MACROD2: variants seen among roughly 807,000 people sequenced by gnomAD.
MACROD2 encodes the protein mono-ADP ribosylhydrolase 2, also known as ADP-ribose glycohydrolase MACROD2.
MACROD2 carries 36 observed loss-of-function variants against 70.4 expected under a neutral mutation model. That is an observed-to-expected ratio of 0.51 (90% confidence interval 0.39 to 0.68). The LOEUF (loss-of-function observed/expected upper bound fraction) is 0.68, where lower values mean the gene tolerates loss of function less well. MACROD2 is among the 30% of genes least tolerant of loss of function. The pLI is 0.00. For synonymous variants in MACROD2, 172 were observed against 178.8 expected (o/e 0.96, Z 0.30); for missense variants, 496 against 538.4 (o/e 0.92, Z 0.78).
chr20:14,703,191 A>G (rs2071227429), intron 5 of MACROD2, among the ~76,000 whole-genome samples: 1 of 152,128 alleles, frequency 6.6e-6, no homozygotes, highest in African/African-American at 2.4e-5. Flanking sequence ...AACAATACTG[A>G]GATGAACATT....
At chr20:14,285,979 CAAAA>C in intron 3 of MACROD2, among the ~76,000 whole-genome samples, 1 of 143,322 alleles carries the variant, frequency 7.0e-6, no homozygotes. Context: ...ACTCTGCAGC[CAAAA>C]AAAAAAAAAA....
intron 5 of MACROD2, among the ~76,000 whole-genome samples, chr20:14,948,560 C>A (rs1026057858): frequency 6.6e-6 from 1 of 152,136 alleles, no homozygotes; most frequent in Non-Finnish European, 1.5e-5. Context: ...CTGTTTCCAG[C>A]CGTTCTAATG....
intron 8 of MACROD2, among the ~76,000 whole-genome samples, chr20:15,524,166 G>T (rs2146534816): frequency 6.6e-6 from 1 of 152,194 alleles, no homozygotes; most frequent in South Asian, 2.1e-4. Flanking sequence ...TCTCTCTGTT[G>T]AGTGCTAAAA....
intron 3 of MACROD2, among the ~76,000 whole-genome samples, chr20:14,467,500 T>C (rs2084470301): frequency 2.0e-5 from 3 of 152,134 alleles, no homozygotes; most frequent in Admixed American, 1.3e-4. Context: ...AGGCGATGCC[T>C]CTCCCTGCTT....
intron 5 of MACROD2, among the ~76,000 whole-genome samples, chr20:15,121,285 G>A (rs1341786652): frequency 6.6e-6 from 1 of 152,120 alleles, no homozygotes; most frequent in Non-Finnish European, 1.5e-5. Context: ...GCCAAGGCAG[G>A]TGGATCATCT....
chr20:15,605,435 G>GA (rs1350656680), intron 8 of MACROD2, among the ~76,000 whole-genome samples: 1 of 144,904 alleles, frequency 6.9e-6, no homozygotes, highest in African/African-American at 2.7e-5. Context: ...ACTTCAGTTA[G>GA]AAAAAACAGG....
At position 14,118,939 on chromosome 20, in the gene MACROD2, A is replaced by G. The variant is rs139989434; in HGVS notation, c.271+33211A>G. Among the ~76,000 whole-genome samples, 433 of 148,090 alleles carry G rather than the reference A, an allele frequency of 2.9e-3. 4 individuals are homozygous for G. Among genetic ancestry groups the G allele is most frequent in the African/African-American group, 0.01 (407 of 39,950 alleles). On this transcript the variant is annotated intron_variant, in intron 3 of 17. Coordinates refer to ENST00000684519, the MANE Select transcript of MACROD2 (RefSeq NM_001351661.2). ...CAGCTCACTGCCACCTCTGCCTCCC[A>G]GGTTCAAGCAATTCTCCTGCCTCAG...
rs1426821868 is a variant in MACROD2 at position 15,571,603 on chromosome 20, G to A, written c.645+71756G>A. ...TCATACTGGTGAAAAATTAAATTTT[G>A]CTTCTTGTGCCTCTGTATCTGTAGC... On this transcript the variant is annotated intron_variant, in intron 8 of 17. Transcript: ENST00000684519. Among the ~76,000 whole-genome samples the A allele has an allele frequency of 2.0e-5, 3 of 151,966 alleles. No individual in the cohort carries two copies. In the East Asian group the frequency reaches 5.8e-4, roughly 29 times the overall value.
intron 5 of MACROD2, among the ~76,000 whole-genome samples, chr20:15,206,528 C>T (rs181930462): frequency 1.7e-3 from 254 of 151,874 alleles, no homozygotes; most frequent in South Asian, 0.016. Context: ...CATCAGAAAG[C>T]ATTTTATATT....
Position 15,110,035 on chromosome 20 carries a change from G to A in MACROD2, c.419-119905G>A, listed in dbSNP as rs1568578255. On this transcript the variant is annotated intron_variant, in intron 5 of 17. Coordinates refer to ENST00000684519, the MANE Select transcript of MACROD2 (RefSeq NM_001351661.2). The stretch of plus-strand genomic sequence containing the variant: ...TGATGGTTAAGCCCTTAGACTGTAT[G>A]TAGTTGTCCTGCTAGAGAACTCAAA... Among the ~76,000 whole-genome samples the A allele has an allele frequency of 3.3e-5, 5 of 152,218 alleles. No homozygotes were observed. In the South Asian group the frequency reaches 8.3e-4, roughly 25 times the overall value.
chr20:14,719,473 G>GAAAAAAAAAAAAGAAAGAAAAAAAGAAA (rs2071437583), intron 5 of MACROD2, among the ~76,000 whole-genome samples: 1 of 136,322 alleles, frequency 7.3e-6, no homozygotes, highest in African/African-American at 2.7e-5. Flanking sequence ...AAGATAGAAA[G>GAAAAAAAAAAAAGAAAGAAAAAAAGAAA]AAAAAAAAAA....
At position 14,312,786 on chromosome 20, in the gene MACROD2, G is replaced by A. The variant is rs989793361; in HGVS notation, c.272-180693G>A. ...AGTGGGATTACGAAAGGCAAATTCA[G>A]AGATATTAAGTATTTTGCCCAGAGT... On this transcript the variant is annotated intron_variant, in intron 3 of 17. Coordinates refer to ENST00000684519, the MANE Select transcript of MACROD2 (RefSeq NM_001351661.2). Among the ~76,000 whole-genome samples the A allele has an allele frequency of 5.3e-5, 8 of 152,330 alleles. No individual in the cohort carries two copies. The South Asian group carries it at 1.4e-3, about 28-fold the overall frequency.
intron 4 of MACROD2, among the ~76,000 whole-genome samples, chr20:14,646,162 C>T (rs966171279): frequency 5.9e-5 from 9 of 151,854 alleles, no homozygotes; most frequent in African/African-American, 1.7e-4. Context: ...GCATTACTTT[C>T]CCCTTGATGA....
At chr20:15,626,900 G>A (rs2049211598) in intron 8 of MACROD2, among the ~76,000 whole-genome samples, 1 of 151,860 alleles carries the variant, frequency 6.6e-6, no homozygotes, top group African/African-American at 2.4e-5. Flanking sequence ...TATGTGGATA[G>A]TTGAGGCCAT....
rs1184412758 is a variant in MACROD2, at chr20:15,095,060, T to C, written c.419-134880T>C. Among the ~76,000 whole-genome samples, 6 of 57,670 alleles carry C rather than the reference T, an allele frequency of 1.0e-4. No homozygotes were observed. The Admixed American group carries it at 1.2e-3, about 12-fold the overall frequency. The allele number at this position is 57,670 out of a possible 152,430, so 37.8% of individuals were successfully genotyped here. A position where few individuals can be genotyped will look rare whatever the true frequency, so the allele number is the denominator to read the frequency against. ...GTTATATCTTTTCACTGTGGTCTCC[T>C]CTTCTTTTTTTTTTTTTTTTTTTTT... On this transcript the variant is annotated intron_variant, in intron 5 of 17. Coordinates refer to ENST00000684519, the MANE Select transcript of MACROD2 (RefSeq NM_001351661.2).
At chr20:14,912,836 A>G (rs1397148945) in intron 5 of MACROD2, among the ~76,000 whole-genome samples, 1 of 152,196 alleles carries the variant, frequency 6.6e-6, no homozygotes, top group Non-Finnish European at 1.5e-5. Context: ...TCAGCTGTGT[A>G]TGAAAGAGAC....
intron 4 of MACROD2, among the ~76,000 whole-genome samples, chr20:14,641,099 A>G (rs775278853): frequency 7.2e-5 from 11 of 152,232 alleles, no homozygotes; most frequent in Admixed American, 6.5e-5. Context: ...AACTAAGTTT[A>G]TGTAATATTC....
intron 8 of MACROD2, among the ~76,000 whole-genome samples, chr20:15,723,169 G>A: frequency 6.6e-6 from 1 of 152,130 alleles, no homozygotes; most frequent in Non-Finnish European, 1.5e-5. Flanking sequence ...AAAGGTGAGA[G>A]GAAGGCACAG....
intron 8 of MACROD2, among the ~76,000 whole-genome samples, chr20:15,501,282 A>G (rs888392646): frequency 1.3e-5 from 2 of 152,240 alleles, no homozygotes; most frequent in Non-Finnish European, 2.9e-5. Context: ...TTGATAACTG[A>G]GCAAGCGTAT....
Sources: gnomAD v4.1 joint callset for allele counts (sites outside exome capture counted in the v4.1 genomes callset) on GRCh38, gnomAD v4.1.1 for gene constraint, MANE v1.5 for transcripts, NCBI Gene and HGNC (gene_info 2026-07-23, HGNC 2026-07-21) for gene names.